The following HOMER3 variants were observed in gnomAD, a reference collection of about 807,000 sequenced individuals.
The protein encoded by HOMER3 is homer scaffold protein 3.
Under a neutral mutation model 45.5 loss-of-function variants are expected in HOMER3, and 34 were observed. The ratio of observed to expected loss-of-function variants is 0.75; its 90% CI spans 0.57 to 1.00. The LOEUF (loss-of-function observed/expected upper bound fraction) is 1.00, where lower values mean the gene tolerates loss of function less well. HOMER3 is among the 50% of genes least tolerant of loss of function. The pLI is 0.00. For missense variants in HOMER3, 480 were observed against 497.5 expected (o/e 0.96, Z 0.33); for synonymous variants, 223 against 208.8 (o/e 1.07, Z -0.58).
At chr19:18,929,702 GTC>G in intron 9 of HOMER3, 68 bp from the exon 10 acceptor site, 1 of 1,318,312 alleles carries the variant, frequency 7.6e-7, no homozygotes, top group Non-Finnish European at 1.0e-6. Flanking sequence ...GGCATCCAGA[GTC>G]TGACCACCTT....
chr19:18,935,959 C>T (rs990963096), intron 4 of HOMER3, among the ~76,000 whole-genome samples: 3 of 150,568 alleles, frequency 2.0e-5, no homozygotes, highest in Non-Finnish European at 3.0e-5. Flanking sequence ...GTGGAGGTTG[C>T]AGTGAGCTGA....
At chr19:18,932,900 A>ACCCCCCCCCCCCCCCC in intron 6 of HOMER3, 24 bp downstream of exon 6, 1 of 249,084 alleles carries the variant, frequency 4.0e-6, no homozygotes, top group Non-Finnish European at 6.8e-6. Context: ...CGCCCCTGCC[A>ACCCCCCCCCCCCCCCC]CGCCCCCAAG....
At chr19:18,933,124 G>C (rs2057056701) in intron 5 of HOMER3, 79 bp from the exon 6 acceptor site, 1 of 1,398,106 alleles carries the variant, frequency 7.2e-7, no homozygotes, top group Non-Finnish European at 9.3e-7. Flanking sequence ...CGTCACATCG[G>C]GGGTGCAATT....
intron 4 of HOMER3, 21 bp from the exon 5 acceptor site, chr19:18,934,431 A>G (rs769681551): frequency 2.0e-6 from 3 of 1,495,924 alleles, no homozygotes; most frequent in Non-Finnish European, 2.7e-6. Flanking sequence ...GGGGAGGAAA[A>G]GACAGTAAAA....
intron 4 of HOMER3, among the ~76,000 whole-genome samples, chr19:18,936,239 G>C (rs1028833520): frequency 2.7e-5 from 4 of 150,618 alleles, no homozygotes; most frequent in Non-Finnish European, 3.0e-5. Context: ...CTTGAACCGG[G>C]GAGGCGGAAG....
intron 6 of HOMER3, 47 bp downstream of exon 6, chr19:18,932,877 C>CCCCCCCAAACCCCCCCCCCACCA: frequency 1.3e-6 from 1 of 767,220 alleles, no homozygotes; most frequent in South Asian, 2.6e-5. Context: ...TCCTCGTCCC[C>CCCCCCCAAACCCCCCCCCCACCA]CACCCCTACC....
intron 4 of HOMER3, among the ~76,000 whole-genome samples, chr19:18,935,415 T>C (rs998537637): frequency 6.6e-6 from 1 of 152,014 alleles, no homozygotes; most frequent in Non-Finnish European, 1.5e-5. Context: ...GAATGACAGG[T>C]ATGAGCCAAC....
At chr19:18,931,100 G>T (rs995852920) in intron 9 of HOMER3, 3 of 514,636 alleles carry the variant, frequency 5.8e-6, no homozygotes, top group Non-Finnish European at 6.9e-6. Flanking sequence ...GAATTGACGG[G>T]GTCTGGCATG....
chr19:18,940,027 C>G (rs2057137583), intron 1 of HOMER3: 1 of 152,508 alleles, frequency 6.6e-6, no homozygotes, highest in Admixed American at 6.5e-5. Flanking sequence ...TGCAGGGGAC[C>G]AAGGAGGAGT....
chr19:18,931,954 T>G, intron 7 of HOMER3, 22 bp downstream of exon 7: 1 of 1,506,980 alleles, frequency 6.6e-7, no homozygotes, highest in South Asian at 1.2e-5. Context: ...TGGGGGTCTC[T>G]CGGAGGGAGG....
Position 18,932,107 on chromosome 19 carries a change from C to T in HOMER3, c.559G>A (p.Ala187Thr), listed in dbSNP as rs2057040340. The T allele has an allele frequency of 6.4e-7, 1 of 1,570,380 alleles. No homozygotes were observed. Among genetic ancestry groups the T allele is most frequent in the Non-Finnish European group, 8.6e-7 (1 of 1,159,942 alleles). Residue 187 changes from alanine (A) to threonine (T), a missense_variant, in exon 7 of 10, where the codon GCC becomes ACC. Coordinates refer to ENST00000392351, the MANE Select transcript of HOMER3 (RefSeq NM_004838.4). ...CTGTCCTGCAGTGCGAAAAACTCGG[C>T]CTCCCACTGTACCTCGCCCACGGAG... ...EGSVGEVQWE[A>T]EFFALQDSNN... is the part of the protein sequence containing the mutation.
chr19:18,929,545 C>CGCCCGCTCCCGCTCTGCCCGT lies in HOMER3; in HGVS notation c.963_983dup (p.Arg325_Glu331dup). On this transcript the variant is annotated inframe_insertion, in exon 10 of 10. Coordinates refer to ENST00000392351, the MANE Select transcript of HOMER3 (RefSeq NM_004838.4). Reference sequence around the variant, plus strand: ...GCGCTGCCCGGCCCACCTCAGCCCGCGCCCGCTCCCGCTCTGCCCGTGCCT... The same window carrying CGCCCGCTCCCGCTCTGCCCGT: ...GCGCTGCCCGGCCCACCTCAGCCCGCGCCCGCTCCCGCTCTGCCCGTGCCCGCTCCCGCTCTGCCCGTGCCT... 6.4e-7 allele frequency: 1 copy of CGCCCGCTCCCGCTCTGCCCGT among 1,554,824 alleles called. No homozygotes were observed. The highest frequency in any genetic ancestry group is 1.2e-5 in the South Asian group (1 of 85,120).
intron 1 of HOMER3, 130 bp from the exon 2 acceptor site, chr19:18,939,179 A>ACC: frequency 1.8e-6 from 1 of 562,952 alleles, no homozygotes; most frequent in Non-Finnish European, 3.1e-6. Flanking sequence ...GGAGAGGCCC[A>ACC]AAGTACACCT....
intron 6 of HOMER3, 50 bp downstream of exon 6, chr19:18,932,873 TC>T: frequency 1.1e-6 from 1 of 877,174 alleles, no homozygotes. Flanking sequence ...CGCCTCCTCG[TC>T]CCCCACCCCT....
chr19:18,934,503 C>T lies in HOMER3; in HGVS notation c.304-93G>A, dbSNP rs1014242885. On this transcript the variant is annotated intron_variant, in intron 4 of 9. Transcript: ENST00000392351. ...AGTGACAGCCCCGCCACTTTCGAAC[C>T]GTACCCATCCCCTTATCACACACCT... 60 of 632,514 alleles carry T rather than the reference C, an allele frequency of 9.5e-5. No individual in the cohort carries two copies. In the Middle Eastern group the frequency reaches 2.3e-3, roughly 24 times the overall value. 39.2% of individuals were successfully genotyped at this position (632,514 alleles called of 1,614,324 possible). A position where few individuals can be genotyped will look rare whatever the true frequency, so the allele number is the denominator to read the frequency against.
At chr19:18,938,242 A>G (rs553131340) in intron 4 of HOMER3, 111 bp downstream of exon 4, 5 of 1,217,310 alleles carry the variant, frequency 4.1e-6, no homozygotes, top group Non-Finnish European at 5.8e-6. Flanking sequence ...CTACAATCCC[A>G]TCCTGCAGAT....
At chr19:18,938,916 A>G in intron 2 of HOMER3, 32 bp from the exon 3 acceptor site, 2 of 1,607,088 alleles carry the variant, frequency 1.2e-6, no homozygotes, top group Non-Finnish European at 1.7e-6. Context: ...GGTGGGGGCC[A>G]GGCACCCCCA....
chr19:18,932,873 T>C (rs1051644542), intron 6 of HOMER3, 51 bp downstream of exon 6: 2 of 877,170 alleles, frequency 2.3e-6, no homozygotes, highest in Non-Finnish European at 3.2e-6. Flanking sequence ...CGCCTCCTCG[T>C]CCCCCACCCC....
At chr19:18,931,662 C>T (rs2057034368) in intron 7 of HOMER3, 37 bp from the exon 8 acceptor site, 1 of 1,557,484 alleles carries the variant, frequency 6.4e-7, no homozygotes, top group African/African-American at 1.4e-5. Flanking sequence ...ACGCCCCCGC[C>T]TGCACTCTCC....
Sources: gnomAD v4.1 joint callset for allele counts (sites outside exome capture counted in the v4.1 genomes callset) on GRCh38, gnomAD v4.1.1 for gene constraint, MANE v1.5 for transcripts, NCBI Gene and HGNC (gene_info 2026-07-23, HGNC 2026-07-21) for gene names.